SLC13A2: variants seen among roughly 807,000 people sequenced by gnomAD.
The protein encoded by SLC13A2 is Na(+)-coupled citrate transporter.
In SLC13A2, 40 loss-of-function variants were observed where a neutral mutation model predicts 58.5. That is an observed-to-expected ratio of 0.68 (90% confidence interval 0.53 to 0.89). SLC13A2 has a LOEUF of 0.89. Among genes scored for constraint, SLC13A2 ranks in the 40% least tolerant of loss-of-function variants. The pLI is 0.00. For synonymous variants in SLC13A2, 341 were observed against 331.6 expected (o/e 1.03, Z -0.31); for missense variants, 694 against 772.6 (o/e 0.90, Z 1.21).
At chr17:28,489,505 TG>T (rs2068959391) in intron 2 of SLC13A2, among the ~76,000 whole-genome samples, 163 bp downstream of exon 2, 1 of 151,928 alleles carries the variant, frequency 6.6e-6, no homozygotes, top group Admixed American at 6.6e-5. Context: ...GGCTGCGGGC[TG>T]GGGTGGGGAG....
intron 1 of SLC13A2, among the ~76,000 whole-genome samples, chr17:28,477,132 T>C (rs979936718): frequency 9.9e-5 from 15 of 150,902 alleles, no homozygotes; most frequent in East Asian, 3.9e-4. Flanking sequence ...TGCACTCCAG[T>C]CTGGGTGACA....
At chr17:28,483,666 A>T (rs1290882973) in intron 1 of SLC13A2, among the ~76,000 whole-genome samples, 1 of 152,118 alleles carries the variant, frequency 6.6e-6, no homozygotes, top group Non-Finnish European at 1.5e-5. Context: ...AAAAAACCTT[A>T]TTCCTACATT....
chr17:28,487,934 C>T (rs976444090), intron 1 of SLC13A2, among the ~76,000 whole-genome samples: 2 of 152,142 alleles, frequency 1.3e-5, no homozygotes, highest in African/African-American at 2.4e-5. Flanking sequence ...GGGGAGTGCT[C>T]TTAGGTAGTG....
rs1840393137 is a variant in SLC13A2, at chr17:28,496,012, C to T, written c.1470+196C>T. Among the ~76,000 whole-genome samples the T allele has an allele frequency of 2.0e-5, 3 of 152,180 alleles. No homozygotes were observed. The highest frequency in any genetic ancestry group is 2.1e-4 in the South Asian group (1 of 4,826). On this transcript the variant is annotated intron_variant, in intron 10 of 11. Coordinates refer to ENST00000314669, the MANE Select transcript of SLC13A2 (RefSeq NM_003984.4). The surrounding 1 kb of genome is among the most constrained non-coding windows in gnomAD (Gnocchi z 4.2). ...AGGCGCTTTGGCCCCTGACTCACCC[C>T]GTCCCTCATGATGTCACCCCTGGAG...
At chr17:28,489,829 T>C (rs1555602788) in intron 2 of SLC13A2, among the ~76,000 whole-genome samples, 1 of 152,220 alleles carries the variant, frequency 6.6e-6, no homozygotes, top group East Asian at 1.9e-4. Context: ...AACCACTGTC[T>C]AGTTTTTAGA....
At chr17:28,473,847 C>G in intron 1 of SLC13A2, 33 bp downstream of exon 1, 1 of 1,585,686 alleles carries the variant, frequency 6.3e-7, no homozygotes, top group African/African-American at 1.3e-5. Context: ...ACAGATAACT[C>G]CAGGGGGCAG....
rs369454042 is a variant in SLC13A2 at position 28,496,490 on chromosome 17, C to T, written c.1511C>T (p.Pro504Leu). 6.8e-6 allele frequency: 11 copies of T among 1,613,318 alleles called. No homozygotes were observed. In the African/African-American group the frequency reaches 1.2e-4, roughly 18 times the overall value. Residue 504 changes from proline to leucine, a missense_variant, in exon 11 of 12, where the codon CCC (proline) becomes CTC (leucine). By Grantham distance (98) the Pro-to-Leu change is moderately conservative (BLOSUM62 -3). Transcript: ENST00000314669. The surrounding 1 kb of genome is among the most constrained non-coding windows in gnomAD (Gnocchi z 4.2). ...CTCCACCCTCTCTACGTCATGCTCC[C>T]CTGCACTCTGGCCACCTCCCTGGCC... Reference protein sequence around the residue: ...ICLHPLYVMLPCTLATSLAFM... With the variant: ...ICLHPLYVMLLCTLATSLAFM...
In SLC13A2 at chr17:28,496,112, G is replaced by A. The variant is rs1052166603; in HGVS notation, c.1470+296G>A. Among the ~76,000 whole-genome samples the A allele has an allele frequency of 1.1e-4, 17 of 152,064 alleles. No individual in the cohort carries two copies. The highest frequency in any genetic ancestry group is 9.2e-4 in the Admixed American group (14 of 15,274). ...CTGTTCTGGTCATTCCTGAGGTGAC[G>A]GGGTGAAATTGCTCCCCGAAGCGTC... On this transcript the variant is annotated intron_variant, in intron 10 of 11. Coordinates refer to ENST00000314669, the MANE Select transcript of SLC13A2 (RefSeq NM_003984.4). The surrounding 1 kb of genome is among the most constrained non-coding windows in gnomAD (Gnocchi z 4.2).
intron 2 of SLC13A2, among the ~76,000 whole-genome samples, chr17:28,489,595 G>A (rs1555602742): frequency 1.3e-5 from 2 of 152,198 alleles, no homozygotes. Flanking sequence ...AAGGCCTAGT[G>A]ACACAGAAAA....
chr17:28,479,037 G>A (rs2068737871), intron 1 of SLC13A2, among the ~76,000 whole-genome samples: 1 of 152,040 alleles, frequency 6.6e-6, no homozygotes, highest in African/African-American at 2.4e-5. Flanking sequence ...GGGCAACATG[G>A]CAAGACCCTG....
chr17:28,475,884 G>A (rs1236728339), intron 1 of SLC13A2, among the ~76,000 whole-genome samples: 4 of 152,008 alleles, frequency 2.6e-5, no homozygotes, highest in Admixed American at 2.0e-4. Context: ...ATGCCATCTC[G>A]TGCTTTAAAA....
chr17:28,473,856 A>T (rs2068626773), intron 1 of SLC13A2, 42 bp downstream of exon 1: 1 of 1,560,248 alleles, frequency 6.4e-7, no homozygotes, highest in African/African-American at 1.4e-5. Context: ...TCCAGGGGGC[A>T]GAGGAGGGAC....
chr17:28,474,963 A>G lies in SLC13A2; in HGVS notation c.102+1149A>G, dbSNP rs1838127687. 2.6e-5 allele frequency among the ~76,000 whole-genome samples: 4 copies of G among 152,310 alleles called. No homozygotes were observed. The South Asian group carries it at 8.3e-4, about 32-fold the overall frequency. The stretch of plus-strand genomic sequence containing the variant: ...AAAGGGGTGAGAGACTGGGGGTGAT[A>G]GTGGCACAGCCCCTGGGCCCCTGAC... On this transcript the variant is annotated intron_variant, in intron 1 of 11. Transcript: ENST00000314669.
In SLC13A2 at chr17:28,496,900, G is replaced by A. The variant is rs562755892; in HGVS notation, c.1609-199G>A. On this transcript the variant is annotated intron_variant, in intron 11 of 11. Coordinates refer to ENST00000314669, the MANE Select transcript of SLC13A2 (RefSeq NM_003984.4). This position sits in a 1 kb window ranked among gnomAD's most constrained non-coding sequence, Gnocchi z 4.2. Reference sequence around the variant, plus strand: ...GCCCAGGGCCCTGGAAGCTCAGGAGGAGCGCCCCTTTCCCCTGTTAGCACA... The same window carrying A: ...GCCCAGGGCCCTGGAAGCTCAGGAGAAGCGCCCCTTTCCCCTGTTAGCACA... 5.3e-5 allele frequency among the ~76,000 whole-genome samples: 8 copies of A among 152,128 alleles called. No individual in the cohort carries two copies. Among genetic ancestry groups the A allele is most frequent in the Non-Finnish European group, 1.0e-4 (7 of 67,968 alleles).
In SLC13A2 at chr17:28,490,864, G is replaced by C. The variant is rs782774839; in HGVS notation, c.532G>C (p.Glu178Gln). 1.9e-6 allele frequency: 3 copies of C among 1,613,972 alleles called. No individual in the cohort carries two copies. Among genetic ancestry groups the C allele is most frequent in the Non-Finnish European group, 2.5e-6 (3 of 1,179,958 alleles). Residue 178 changes from glutamate (E) to glutamine (Q), a missense_variant, in exon 4 of 12, where the codon GAG (glutamate) becomes CAG (glutamine). Glu to Gln is a conservative substitution (Grantham distance 29). Coordinates refer to ENST00000314669, the MANE Select transcript of SLC13A2 (RefSeq NM_003984.4). ...VEEGSNNPTF[E>Q]LQEPSPQKEV... is the part of the protein sequence containing the mutation. ...GGAGGGCAGCAACAACCCCACCTTCGAGCTCCAGGAACCAAGTCCCCAGAA... is the reference window on the plus strand; with the variant it reads ...GGAGGGCAGCAACAACCCCACCTTCCAGCTCCAGGAACCAAGTCCCCAGAA...
intron 1 of SLC13A2, among the ~76,000 whole-genome samples, chr17:28,478,175 GA>G (rs1203527072): frequency 1.3e-5 from 2 of 152,218 alleles, no homozygotes; most frequent in Admixed American, 6.5e-5. Flanking sequence ...TCCCAGCTAG[GA>G]AAAAAGTTTG....
intron 1 of SLC13A2, among the ~76,000 whole-genome samples, chr17:28,483,525 T>C (rs1231844387): frequency 6.6e-6 from 1 of 152,114 alleles, no homozygotes; most frequent in East Asian, 1.9e-4. Context: ...TAGTCCCAGA[T>C]ACTCAGGAGG....
Position 28,473,796 on chromosome 17 carries a change from C to G in SLC13A2, c.84C>G (p.Pro28=). The change falls in exon 1 of 12, where the codon CCC becomes CCG. Residue 28 remains proline, a synonymous_variant. Transcript: ENST00000314669. The part of the protein sequence containing the change: ...FFVPILLLPL[P]ILVPSKEAYC... ...TGCCCATTCTCCTGCTGCCTCTGCC[C>G]ATCCTCGTCCCCAGTAAGGTAAGGA... 2 of 1,614,114 alleles carry G rather than the reference C, an allele frequency of 1.2e-6. No individual in the cohort carries two copies. The highest frequency in any genetic ancestry group is 1.7e-6 in the Non-Finnish European group (2 of 1,179,984).
At chr17:28,477,190 T>G (rs1308167977) in intron 1 of SLC13A2, among the ~76,000 whole-genome samples, 1 of 116,066 alleles carries the variant, frequency 8.6e-6, no homozygotes, top group African/African-American at 3.6e-5. Context: ...ACCCAAGTTT[T>G]TTGTTTTTTT....
Sources: allele counts gnomAD v4.1 joint callset (sites outside exome capture counted in the v4.1 genomes callset), GRCh38; gene constraint gnomAD v4.1.1; non-coding constraint Gnocchi (gnomAD v3.1); transcripts MANE v1.5; gene names NCBI Gene and HGNC (gene_info 2026-07-23, HGNC 2026-07-21).